Variants in PSMD14 observed in about 807,000 individuals in gnomAD.
PSMD14 encodes the protein proteasome 26S subunit, non-ATPase 14, also known as ubiquitin C-terminal hydrolase PSMD14.
A neutral mutation model predicts 41.2 loss-of-function variants in PSMD14; 7 were observed. The observed-to-expected ratio is 0.17, with a 90% confidence interval of 0.10 to 0.32. The LOEUF (loss-of-function observed/expected upper bound fraction) is 0.32. Among genes scored for constraint, PSMD14 ranks in the 10% least tolerant of loss-of-function variants. The pLI is 1.00. For synonymous variants in PSMD14, 114 were observed against 122.3 expected (o/e 0.93, Z 0.45); for missense variants, 139 against 375.6 (o/e 0.37, Z 5.21).
chr2:161,310,683 C>T (rs1689077807), intron 1 of PSMD14, among the ~76,000 whole-genome samples: 2 of 152,180 alleles, frequency 1.3e-5, no homozygotes, highest in African/African-American at 2.4e-5. Flanking sequence ...CGTATTTTTA[C>T]AACAGACTTG....
At chr2:161,323,495 T>C (rs1682641386) in intron 3 of PSMD14, among the ~76,000 whole-genome samples, 2 of 152,120 alleles carry the variant, frequency 1.3e-5, no homozygotes, top group South Asian at 4.1e-4. Flanking sequence ...AAACCCCATC[T>C]CTACTAAAAG....
At chr2:161,314,778 T>G (rs929484782) in intron 1 of PSMD14, among the ~76,000 whole-genome samples, 1 of 152,232 alleles carries the variant, frequency 6.6e-6, no homozygotes, top group African/African-American at 2.4e-5. Flanking sequence ...TATATGTGTT[T>G]ATAGTAGAAT....
intron 3 of PSMD14, among the ~76,000 whole-genome samples, chr2:161,345,441 C>T (rs1258019376): frequency 1.3e-5 from 2 of 151,926 alleles, no homozygotes; most frequent in Non-Finnish European, 2.9e-5. Flanking sequence ...CAGGGTTTCA[C>T]TATGTTGCCC....
chr2:161,385,602 C>T, intron 8 of PSMD14, 31 bp downstream of exon 8: 1 of 1,411,140 alleles, frequency 7.1e-7, no homozygotes, highest in South Asian at 1.2e-5. Flanking sequence ...TGTGTTAAAA[C>T]TCTTTTAAAT....
chr2:161,363,722 T>G (rs937887422), intron 3 of PSMD14, among the ~76,000 whole-genome samples: 1 of 152,206 alleles, frequency 6.6e-6, no homozygotes, highest in Non-Finnish European at 1.5e-5. Flanking sequence ...AAAGTTCCCT[T>G]GTCCCCTTCA....
chr2:161,386,019 A>G (rs1263613422), intron 8 of PSMD14, among the ~76,000 whole-genome samples: 1 of 151,804 alleles, frequency 6.6e-6, no homozygotes, highest in Non-Finnish European at 1.5e-5. Flanking sequence ...TCTTCTTTAA[A>G]AAACCCACCT....
chr2:161,371,540 T>A (rs1374754555), intron 7 of PSMD14, among the ~76,000 whole-genome samples: 2 of 152,168 alleles, frequency 1.3e-5, no homozygotes, highest in Non-Finnish European at 2.9e-5. Flanking sequence ...ATTGTGTAAT[T>A]TTCCTGAATA....
At chr2:161,406,072 G>GATCCC (rs1683943953) in intron 10 of PSMD14, among the ~76,000 whole-genome samples, 1 of 152,148 alleles carries the variant, frequency 6.6e-6, no homozygotes. Flanking sequence ...AAGTGCCAAA[G>GATCCC]ATCCCATCAG....
In PSMD14 at chr2:161,357,076, C is replaced by CTTTTTTTTTTTTTTT. The variant is rs71281822; in HGVS notation, c.49-10390_49-10389insTTTTTTTTTTTTTTT. 1.0e-3 allele frequency among the ~76,000 whole-genome samples: 125 copies of CTTTTTTTTTTTTTTT among 124,160 alleles called. 11 individuals are homozygous for CTTTTTTTTTTTTTTT. The highest frequency in any genetic ancestry group is 3.7e-3 in the African/African-American group (117 of 31,460). The allele number at this position is 124,160 out of a possible 152,430, so 81.5% of individuals were successfully genotyped here. ...TTTATGCTGTTATAATGGCAAATGC[C>CTTTTTTTTTTTTTTT]TTTTTTTTTTTTAGCACTTAGTCAA... On this transcript the variant is annotated intron_variant, in intron 3 of 11. Coordinates refer to ENST00000409682, the MANE Select transcript of PSMD14 (RefSeq NM_005805.6).
chr2:161,309,589 TC>T (rs1689065771), intron 1 of PSMD14, among the ~76,000 whole-genome samples: 1 of 152,182 alleles, frequency 6.6e-6, no homozygotes, highest in African/African-American at 2.4e-5. Context: ...ATGGTGGCCT[TC>T]CTGTCACGTA....
Position 161,333,892 on chromosome 2 carries a change from A to T in PSMD14, c.48+15019A>T, listed in dbSNP as rs371601196. On this transcript the variant is annotated intron_variant, in intron 3 of 11. Transcript: ENST00000409682. ...CTAAAAATACAAAAATTAGCCAGGC[A>T]TGGTGGCATGCACCTGTAATCACAG... Among the ~76,000 whole-genome samples the T allele has an allele frequency of 1.1e-4, 17 of 152,224 alleles. No individual in the cohort carries two copies. The East Asian group carries it at 2.5e-3, about 23-fold the overall frequency.
chr2:161,366,042 C>A (rs796575957), intron 3 of PSMD14, among the ~76,000 whole-genome samples: 15 of 152,224 alleles, frequency 9.9e-5, no homozygotes, highest in African/African-American at 3.6e-4. Flanking sequence ...AATTATCATA[C>A]CACTAAAATT....
intron 7 of PSMD14, among the ~76,000 whole-genome samples, chr2:161,380,977 A>G (rs1271578089): frequency 6.6e-6 from 1 of 152,022 alleles, no homozygotes; most frequent in Non-Finnish European, 1.5e-5. Flanking sequence ...GATAAAGAGT[A>G]TTGGATATGG....
At chr2:161,343,929 G>A (rs906127497) in intron 3 of PSMD14, among the ~76,000 whole-genome samples, 1 of 151,984 alleles carries the variant, frequency 6.6e-6, no homozygotes, top group African/African-American at 2.4e-5. Flanking sequence ...TTCAACCAAC[G>A]TTTACATCTG....
intron 7 of PSMD14, chr2:161,384,931 TAA>T (rs1383240062): frequency 6.6e-6 from 1 of 151,848 alleles, no homozygotes. Flanking sequence ...AGACAAGGTA[TAA>T]AGTCTTTCAT....
intron 7 of PSMD14, among the ~76,000 whole-genome samples, chr2:161,372,630 C>CT (rs141518366): frequency 6.6e-6 from 1 of 151,528 alleles, no homozygotes; most frequent in Admixed American, 6.6e-5. Context: ...AATTTATTTA[C>CT]TTTTTTTTAA....
At chr2:161,327,886 AAAC>A (rs1682723197) in intron 3 of PSMD14, among the ~76,000 whole-genome samples, 2 of 150,112 alleles carry the variant, frequency 1.3e-5, no homozygotes, top group African/African-American at 4.9e-5. Context: ...GTTAAAAAAC[AAAC>A]AAACCTGTGG....
At chr2:161,370,304 T>C in intron 6 of PSMD14, 127 bp downstream of exon 6, 1 of 711,234 alleles carries the variant, frequency 1.4e-6, no homozygotes, top group Non-Finnish European at 2.2e-6. Context: ...TAAAAGTATC[T>C]GTAAATATCA....
At chr2:161,411,210 T>G in intron 11 of PSMD14, 92 bp from the exon 12 acceptor site, 1 of 660,238 alleles carries the variant, frequency 1.5e-6, no homozygotes, top group Middle Eastern at 4.0e-4. Context: ...TGGCTTTCTT[T>G]ACTAGTTTCA....
Sources: allele counts gnomAD v4.1 joint callset (sites outside exome capture counted in the v4.1 genomes callset), GRCh38; gene constraint gnomAD v4.1.1; transcripts MANE v1.5; gene names NCBI Gene and HGNC (gene_info 2026-07-23, HGNC 2026-07-21).